The following TMEM132E variants were observed in gnomAD, a reference collection of about 807,000 sequenced individuals.
TMEM132E encodes transmembrane protein 132E.
A neutral mutation model predicts 78.5 loss-of-function variants in TMEM132E; 49 were observed. The observed-to-expected ratio is 0.62, with a 90% CI of 0.50 to 0.79. The LOEUF is 0.79. Ranked by LOEUF, TMEM132E falls within the 30% of genes least tolerant of loss-of-function variation. TMEM132E has a pLI of 0.00. For missense variants in TMEM132E, 1,403 were observed against 1,470.9 expected (o/e 0.95, Z 0.75); for synonymous variants, 715 against 670.6 (o/e 1.07, Z -1.02).
intron 1 of TMEM132E, among the ~76,000 whole-genome samples, chr17:34,623,364 C>T (rs973381256): frequency 2.0e-4 from 30 of 151,498 alleles, no homozygotes; most frequent in Admixed American, 1.9e-3. Context: ...TCTGGGGTCT[C>T]CAGGGGATGG....
intron 1 of TMEM132E, among the ~76,000 whole-genome samples, chr17:34,589,423 C>A (rs975305590): frequency 2.6e-5 from 4 of 152,176 alleles, no homozygotes; most frequent in Admixed American, 2.6e-4. Context: ...TCTCATCTGC[C>A]CAGGGCATAT....
intron 8 of TMEM132E, 38 bp from the exon 9 acceptor site, chr17:34,637,139 T>A (rs1223259650): frequency 5.2e-6 from 8 of 1,548,030 alleles, no homozygotes; most frequent in Non-Finnish European, 7.0e-6. Flanking sequence ...CTGAACCAGC[T>A]CTTTGACTCC....
chr17:34,626,784 CG>C lies in TMEM132E; in HGVS notation c.731del (p.Gly244AlafsTer51), dbSNP rs1290756498. 5 of 1,491,504 alleles carry C rather than the reference CG, an allele frequency of 3.4e-6. No homozygotes were observed. The highest frequency in any genetic ancestry group is 3.6e-6 in the Non-Finnish European group (4 of 1,116,694). 92.4% of individuals were successfully genotyped at this position (1,491,504 alleles called of 1,614,324 possible). On this transcript the variant is annotated frameshift_variant, in exon 2 of 9. Coordinates refer to ENST00000631683, the MANE Select transcript of TMEM132E (RefSeq NM_001304438.2). LOFTEE classifies it high-confidence loss of function. Reference sequence around the variant, plus strand: ...TACACGCTCCACGCCCCTGATGCGTCGGGGGGCTGCGGGGGCTCCCGCCGGG... The same window carrying C: ...TACACGCTCCACGCCCCTGATGCGTCGGGGGCTGCGGGGGCTCCCGCCGGG... Reference protein sequence around the residue: ...LYYTLHAPDASGGCGGSRRGA... With the variant: ...LYYTLHAPDAXGGCGGSRRGA...
Position 34,623,417 on chromosome 17 carries a change from G to A in TMEM132E, c.68-2710G>A, listed in dbSNP as rs538250315. Among the ~76,000 whole-genome samples the A allele has an allele frequency of 1.3e-4, 16 of 120,736 alleles. No individual in the cohort carries two copies. In the East Asian group the frequency reaches 1.5e-3, roughly 12 times the overall value. 79.2% of individuals were successfully genotyped at this position (120,736 alleles called of 152,430 possible). A position where few individuals can be genotyped will look rare whatever the true frequency, so the allele number is the denominator to read the frequency against. On this transcript the variant is annotated intron_variant, in intron 1 of 8. Coordinates refer to ENST00000631683, the MANE Select transcript of TMEM132E (RefSeq NM_001304438.2). The stretch of plus-strand genomic sequence containing the variant: ...AGTACCCGCTCCCCCCCCCCCCCCC[G>A]TCCCTCTACAGCCTGGATAGTGAGC...
chr17:34,585,624 GC>G (rs778410028), intron 1 of TMEM132E, among the ~76,000 whole-genome samples: 13,692 of 152,206 alleles, frequency 0.09, 709 homozygotes, highest in South Asian at 0.23. Flanking sequence ...CCCAAATGGG[GC>G]TGTCTGCCCC....
intron 1 of TMEM132E, among the ~76,000 whole-genome samples, chr17:34,615,757 G>C (rs894536282): frequency 6.6e-6 from 1 of 151,918 alleles, no homozygotes. Context: ...TCACATATAG[G>C]AGAGAGGGGA....
At position 34,581,205 on chromosome 17, in the gene TMEM132E, G is replaced by A. The variant is rs569051664; in HGVS notation, c.67+62G>A. ...GCAGGCGCCACTGGAGGGGGTACGGGGAAGACTGGGGAGAGGAGCACCCAC... is the reference window on the plus strand; with the variant it reads ...GCAGGCGCCACTGGAGGGGGTACGGAGAAGACTGGGGAGAGGAGCACCCAC... On this transcript the variant is annotated intron_variant, in intron 1 of 8. Coordinates refer to ENST00000631683, the MANE Select transcript of TMEM132E (RefSeq NM_001304438.2). 2.7e-4 allele frequency: 375 copies of A among 1,405,680 alleles called. 1 individual carries two copies. Among genetic ancestry groups the A allele is most frequent in the South Asian group, 4.8e-4 (34 of 71,272 alleles). The allele number at this position is 1,405,680 out of a possible 1,614,324, so 87.1% of individuals were successfully genotyped here.
In TMEM132E at chr17:34,626,871, T is replaced by C. The variant is rs1412192829; in HGVS notation, c.812T>C (p.Ile271Thr). 1 of 1,609,512 alleles carries C rather than the reference T, an allele frequency of 6.2e-7. No homozygotes were observed. The highest frequency in any genetic ancestry group is 1.1e-5 in the South Asian group (1 of 90,940). Residue 271 changes from isoleucine to threonine, a missense_variant, in exon 2 of 9, where the codon ATC becomes ACC. Ile to Thr is a moderately conservative substitution (Grantham distance 89). This residue lies in a region of TMEM132E where 511 missense variants were observed against 499.0 expected (regional missense o/e 1.02). Transcript: ENST00000631683. ...CCTACCCAGCACCCCCTGCTGCGCA[T>C]CGGGAGCATCAGCCTGTTCCGCCCG... is the stretch of plus-strand genomic sequence containing the variant. ...ESPTQHPLLR[I>T]GSISLFRPPP...
intron 1 of TMEM132E, among the ~76,000 whole-genome samples, chr17:34,620,860 G>A (rs1906938684): frequency 6.6e-6 from 1 of 152,232 alleles, no homozygotes; most frequent in African/African-American, 2.4e-5. Context: ...CCTCCCACAT[G>A]CAAGTCTGCT....
intron 1 of TMEM132E, among the ~76,000 whole-genome samples, chr17:34,608,153 G>C (rs1906476326): frequency 6.6e-6 from 1 of 152,216 alleles, no homozygotes; most frequent in South Asian, 2.1e-4. Context: ...CTCAGGTTTA[G>C]TTGAAAAGGG....
At position 34,627,006 on chromosome 17, in the gene TMEM132E, C is replaced by T. The variant is rs1907170203; in HGVS notation, c.947C>T (p.Ala316Val). 6.2e-7 allele frequency: 1 copy of T among 1,613,852 alleles called. No individual in the cohort carries two copies. Among genetic ancestry groups the T allele is most frequent in the East Asian group, 2.2e-5 (1 of 44,878 alleles). Reference sequence around the variant, plus strand: ...GTGCTCAGCATCCTCCTCTATCTGGCCCCCAACTCCTCCTCGCCCTCCAGC... The same window carrying T: ...GTGCTCAGCATCCTCCTCTATCTGGTCCCCAACTCCTCCTCGCCCTCCAGC... ...GEVLSILLYL[A>V]PNSSSPSSPS... The change falls in exon 2 of 9, where the codon GCC becomes GTC. Residue 316 changes from alanine (A) to valine (V), a missense_variant. Physicochemically the swap from Ala to Val is moderately conservative, Grantham distance 64. Transcript: ENST00000631683.
chr17:34,637,908 C>T lies in TMEM132E; in HGVS notation c.2901C>T (p.Gly967=), dbSNP rs367706516. Residue 967 remains glycine (G), a synonymous_variant, in exon 9 of 9, where the codon GGC becomes GGT. Transcript: ENST00000631683. ...AAACCGTGCCCGCCTTCTGCCACGG[C>T]GACCACCACAGCAGCGGCAGCTCGC... The part of the protein sequence containing the change: ...PLETVPAFCH[G]DHHSSGSSQT... The T allele has an allele frequency of 2.9e-5, 46 of 1,605,350 alleles. No individual in the cohort carries two copies. The highest frequency in any genetic ancestry group is 3.9e-5 in the Non-Finnish European group (46 of 1,178,654).
intron 1 of TMEM132E, among the ~76,000 whole-genome samples, chr17:34,615,517 A>ATGTGTGTG (rs3048841): frequency 0.12 from 16,883 of 140,676 alleles, 1,212 homozygotes; most frequent in South Asian, 0.17. Flanking sequence ...ACTGGCACAG[A>ATGTGTGTG]TGTGTGTGTG....
Position 34,638,350 on chromosome 17 carries a change from G to T in TMEM132E, c.*118G>T. 3 of 1,142,494 alleles carry T rather than the reference G, an allele frequency of 2.6e-6. No homozygotes were observed. Among genetic ancestry groups the T allele is most frequent in the Non-Finnish European group, 3.6e-6 (3 of 830,496 alleles). 70.8% of individuals were successfully genotyped at this position (1,142,494 alleles called of 1,614,324 possible). A position where few individuals can be genotyped will look rare whatever the true frequency, so the allele number is the denominator to read the frequency against. Reference sequence around the variant, plus strand: ...CGGCTGAATTGATTTTGTACTCCCTGCCCCTGCAGCTTGGCTCCGTGCGGA... The same window carrying T: ...CGGCTGAATTGATTTTGTACTCCCTTCCCCTGCAGCTTGGCTCCGTGCGGA... On this transcript the variant is annotated 3_prime_UTR_variant, in exon 9 of 9. Coordinates refer to ENST00000631683, the MANE Select transcript of TMEM132E (RefSeq NM_001304438.2).
intron 1 of TMEM132E, among the ~76,000 whole-genome samples, chr17:34,607,838 G>A (rs1409561528): frequency 6.6e-6 from 1 of 152,104 alleles, no homozygotes; most frequent in Non-Finnish European, 1.5e-5. Flanking sequence ...AGGTCTGAAA[G>A]GGTCCCGAGT....
intron 1 of TMEM132E, among the ~76,000 whole-genome samples, chr17:34,586,540 TG>T (rs953211001): frequency 8.8e-5 from 13 of 148,354 alleles, no homozygotes; most frequent in East Asian, 6.0e-4. Flanking sequence ...TTGCAACAAG[TG>T]GGGGGGGACA....
In TMEM132E at chr17:34,638,155, G is replaced by T. The variant is rs753442788; in HGVS notation, c.3148G>T (p.Asp1050Tyr). The T allele has an allele frequency of 1.9e-6, 3 of 1,607,206 alleles. No individual in the cohort carries two copies. The highest frequency in any genetic ancestry group is 3.4e-5 in the Admixed American group (2 of 59,216). The change falls in exon 9 of 9, where the codon GAT (aspartate) becomes TAT (tyrosine). Residue 1050 changes from aspartate (D) to tyrosine (Y), a missense_variant. This residue lies in a region of TMEM132E where 888 missense variants were observed against 952.8 expected (regional missense o/e 0.93). Transcript: ENST00000631683. ...AGAGGACCTGGGTTGGGGCTGCCCG[G>T]ATGTGGCGGGCCCCACGCGGCCCAC... is the stretch of plus-strand genomic sequence containing the variant. ...EEEDLGWGCP[D>Y]VAGPTRPTAP...
intron 1 of TMEM132E, among the ~76,000 whole-genome samples, chr17:34,610,719 G>A (rs1906561896): frequency 6.6e-6 from 1 of 152,166 alleles, no homozygotes; most frequent in Non-Finnish European, 1.5e-5. Context: ...TATTGCAAAG[G>A]GAAAAGTACA....
At chr17:34,627,469 T>TGTGTGCGTGCGCGCGCGC (rs1292354113) in intron 2 of TMEM132E, among the ~76,000 whole-genome samples, 7 of 112,026 alleles carry the variant, frequency 6.2e-5, no homozygotes, top group African/African-American at 2.1e-4. Context: ...AAAAGAATCG[T>TGTGTGCGTGCGCGCGCGC]GTGTGTGTGT....
Sources: gnomAD v4.1 joint callset for allele counts (sites outside exome capture counted in the v4.1 genomes callset) on GRCh38, gnomAD v4.1.1 for gene constraint, gnomAD v4.1.1 regional missense constraint, MANE v1.5 for transcripts, NCBI Gene and HGNC (gene_info 2026-07-23, HGNC 2026-07-21) for gene names.